The following CFAP20DC variants were observed in gnomAD, a reference collection of about 807,000 sequenced individuals.
CFAP20DC encodes the protein protein CFAP20DC.
CFAP20DC carries 84 observed loss-of-function variants against 101.7 expected under a neutral mutation model. The observed-to-expected ratio is 0.83, with a 90% confidence interval of 0.69 to 0.99. The LOEUF (loss-of-function observed/expected upper bound fraction) is 0.99. CFAP20DC is among the 50% of genes least tolerant of loss of function. The probability of loss-of-function intolerance (pLI) is 0.00; values close to 1 mark genes in which losing one functional copy is unlikely to be tolerated. For synonymous variants in CFAP20DC, 359 were observed against 351.2 expected (o/e 1.02, Z -0.25); for missense variants, 1,007 against 970.3 (o/e 1.04, Z -0.50).
chr3:58,759,852 C>T (rs538237323), intron 15 of CFAP20DC, among the ~76,000 whole-genome samples: 21 of 152,146 alleles, frequency 1.4e-4, no homozygotes, highest in African/African-American at 3.9e-4. Flanking sequence ...TGTAGATATG[C>T]GGCATTATTT....
chr3:58,977,123 T>C (rs1191149280), intron 4 of CFAP20DC, among the ~76,000 whole-genome samples: 4 of 152,228 alleles, frequency 2.6e-5, no homozygotes, highest in South Asian at 2.1e-4. Flanking sequence ...AATTAACTTA[T>C]GGTGAAGTTG....
At chr3:58,779,872 G>C (rs1178510538) in intron 15 of CFAP20DC, among the ~76,000 whole-genome samples, 4 of 151,988 alleles carry the variant, frequency 2.6e-5, no homozygotes, top group African/African-American at 9.7e-5. Context: ...TCCCCAAACA[G>C]GTATAATTCA....
At chr3:58,813,696 T>C (rs961985994) in intron 14 of CFAP20DC, among the ~76,000 whole-genome samples, 2 of 151,932 alleles carry the variant, frequency 1.3e-5, no homozygotes, top group Non-Finnish European at 2.9e-5. Context: ...CTTGGAAGTG[T>C]TCCTTTAATT....
At chr3:58,750,073 C>T (rs1274356242) in intron 16 of CFAP20DC, among the ~76,000 whole-genome samples, 7 of 152,120 alleles carry the variant, frequency 4.6e-5, no homozygotes, top group Non-Finnish European at 8.8e-5. Flanking sequence ...TGATGGAAAC[C>T]GGGCTGTTCA....
At chr3:58,785,132 A>G (rs930341045) in intron 15 of CFAP20DC, among the ~76,000 whole-genome samples, 3 of 152,128 alleles carry the variant, frequency 2.0e-5, no homozygotes, top group African/African-American at 7.2e-5. Flanking sequence ...CTTTGCAGCA[A>G]CATGGGTGGG....
chr3:58,727,457 G>A (rs1056133980), intron 3 of CFAP20DC: 10 of 151,720 alleles, frequency 6.6e-5, no homozygotes, highest in African/African-American at 2.4e-4. Context: ...TTTTTTTTGA[G>A]ACGGAGTTTC....
chr3:58,819,406 A>T (rs1444430043), intron 14 of CFAP20DC, among the ~76,000 whole-genome samples: 2 of 151,980 alleles, frequency 1.3e-5, no homozygotes, highest in African/African-American at 4.8e-5. Flanking sequence ...AAGACTAATA[A>T]AGAAAAAAAG....
At chr3:58,770,822 A>G (rs867393123) in intron 15 of CFAP20DC, among the ~76,000 whole-genome samples, 6 of 152,290 alleles carry the variant, frequency 3.9e-5, no homozygotes, top group South Asian at 2.1e-4. Flanking sequence ...TTAGTGGAGA[A>G]TAAGATAGGG....
At chr3:59,019,286 C>T (rs2093754530) in intron 4 of CFAP20DC, among the ~76,000 whole-genome samples, 1 of 151,964 alleles carries the variant, frequency 6.6e-6, no homozygotes, top group Non-Finnish European at 1.5e-5. Flanking sequence ...TGTGTCTTGG[C>T]TAAGCCTGGT....
intron 4 of CFAP20DC, among the ~76,000 whole-genome samples, chr3:59,023,367 G>A (rs917620327): frequency 2.6e-5 from 4 of 152,198 alleles, no homozygotes; most frequent in East Asian, 1.9e-4. Context: ...TGAGAACACC[G>A]AGGAAACAGA....
chr3:58,903,801 G>T (rs938942324), intron 6 of CFAP20DC, among the ~76,000 whole-genome samples: 1 of 152,142 alleles, frequency 6.6e-6, no homozygotes, highest in Non-Finnish European at 1.5e-5. Flanking sequence ...AGATTTGGGT[G>T]GGGACACAGC....
chr3:58,904,604 A>T (rs1273359773), intron 6 of CFAP20DC, among the ~76,000 whole-genome samples: 2 of 152,206 alleles, frequency 1.3e-5, no homozygotes, highest in Non-Finnish European at 2.9e-5. Flanking sequence ...TAAGAATACC[A>T]AATATTATTA....
At chr3:58,739,039 G>T (rs973115520), downstream of CFAP20DC, among the ~76,000 whole-genome samples, 2 of 152,110 alleles carry the variant, frequency 1.3e-5, no homozygotes, top group Non-Finnish European at 1.5e-5. Context: ...AGATGTTATT[G>T]AAATGACTGA....
chr3:58,815,605 C>T (rs1277480276), intron 14 of CFAP20DC, among the ~76,000 whole-genome samples: 3 of 151,440 alleles, frequency 2.0e-5, no homozygotes, highest in Admixed American at 6.6e-5. Context: ...TCACAACCTG[C>T]TCATCTGACA....
At chr3:58,977,356 T>C (rs1194705483) in intron 4 of CFAP20DC, among the ~76,000 whole-genome samples, 1 of 152,156 alleles carries the variant, frequency 6.6e-6, no homozygotes, top group East Asian at 1.9e-4. Context: ...CTTTCTCAGG[T>C]AGGAAGTCAC....
chr3:58,720,174 C>A (rs2107044115), intron 3 of CFAP20DC, among the ~76,000 whole-genome samples: 2 of 152,340 alleles, frequency 1.3e-5, no homozygotes, highest in Admixed American at 1.3e-4. Flanking sequence ...GGATTCCCCA[C>A]TAGAATGTAA....
At chr3:58,896,827 G>C (rs889822295) in intron 6 of CFAP20DC, among the ~76,000 whole-genome samples, 4 of 152,062 alleles carry the variant, frequency 2.6e-5, no homozygotes, top group African/African-American at 9.7e-5. Flanking sequence ...TTTAGAGTGA[G>C]TGTCATGTGG....
At chr3:58,921,937 T>G (rs1176035766) in intron 5 of CFAP20DC, among the ~76,000 whole-genome samples, 3 of 152,230 alleles carry the variant, frequency 2.0e-5, no homozygotes, top group African/African-American at 7.2e-5. Context: ...AACCTCCTTA[T>G]CATTGTGAAA....
intron 13 of CFAP20DC, among the ~76,000 whole-genome samples, chr3:58,842,735 C>T (rs1157375431): frequency 1.3e-5 from 2 of 152,232 alleles, no homozygotes; most frequent in African/African-American, 4.8e-5. Flanking sequence ...AAAAAGACAG[C>T]AGTAACCTCT....
Sources: allele counts gnomAD v4.1 joint callset (sites outside exome capture counted in the v4.1 genomes callset), GRCh38; gene constraint gnomAD v4.1.1; transcripts MANE v1.5; gene names NCBI Gene and HGNC (gene_info 2026-07-23, HGNC 2026-07-21).